Variants in TMOD3 observed in about 807,000 individuals in gnomAD.
The protein encoded by TMOD3 is tropomodulin 3.
A neutral mutation model predicts 39.2 loss-of-function variants in TMOD3; 20 were observed. The ratio of observed to expected loss-of-function variants is 0.51; its 90% CI spans 0.36 to 0.74. The LOEUF (loss-of-function observed/expected upper bound fraction) is 0.74. Among genes scored for constraint, TMOD3 ranks in the 30% least tolerant of loss-of-function variants. The pLI is 0.00. For synonymous variants in TMOD3, 143 were observed against 145.8 expected (o/e 0.98, Z 0.14); for missense variants, 381 against 412.8 (o/e 0.92, Z 0.67).
At chr15:51,863,298 A>G (rs2056428608) in intron 2 of TMOD3, among the ~76,000 whole-genome samples, 1 of 152,224 alleles carries the variant, frequency 6.6e-6, no homozygotes, top group Non-Finnish European at 1.5e-5. Context: ...GGATATTTTT[A>G]GTACAATGCA....
At chr15:51,880,553 A>C (rs555969950) in intron 3 of TMOD3, among the ~76,000 whole-genome samples, 1 of 152,150 alleles carries the variant, frequency 6.6e-6, no homozygotes, top group Non-Finnish European at 1.5e-5. Flanking sequence ...GGATTTGCCT[A>C]GTCTGGATAT....
chr15:51,858,934 G>C (rs563451772), intron 1 of TMOD3, among the ~76,000 whole-genome samples: 2 of 152,306 alleles, frequency 1.3e-5, no homozygotes, highest in African/African-American at 4.8e-5. Context: ...CTACTCGGGA[G>C]TCTGAGGCAG....
At chr15:51,859,255 T>C (rs537231778) in intron 1 of TMOD3, 2 of 742,202 alleles carry the variant, frequency 2.7e-6, no homozygotes, top group African/African-American at 3.5e-5. Flanking sequence ...TGCAACATTT[T>C]CATTGCTCGC....
At chr15:51,855,633 A>G (rs181693000) in intron 1 of TMOD3, among the ~76,000 whole-genome samples, 35 of 152,386 alleles carry the variant, frequency 2.3e-4, no homozygotes, top group Admixed American at 2.2e-3. Context: ...AATACATTTT[A>G]CATTAGCTTA....
intron 2 of TMOD3, among the ~76,000 whole-genome samples, chr15:51,865,529 A>G (rs534737617): frequency 6.6e-6 from 1 of 152,248 alleles, no homozygotes; most frequent in South Asian, 2.1e-4. Flanking sequence ...TTGTAAATCC[A>G]TGGCCTGCTT....
chr15:51,844,078 T>C (rs962218038), intron 1 of TMOD3, among the ~76,000 whole-genome samples: 2 of 152,132 alleles, frequency 1.3e-5, no homozygotes, highest in African/African-American at 4.8e-5. Context: ...AATGATTGAA[T>C]TGTCCTTTAA....
rs549416794 is a variant in TMOD3 at position 51,908,227 on chromosome 15, C to G, written c.1025-549C>G. On this transcript the variant is annotated intron_variant, in intron 9 of 9. Transcript: ENST00000308580. ...GCCTGAATGTCACTTCAAAATTTAA[C>G]ACACTAATTTATTAGCTGTTTTTTA... Among the ~76,000 whole-genome samples, 206 of 152,274 alleles carry G rather than the reference C, an allele frequency of 1.4e-3. 8 individuals carry two copies. The South Asian group carries it at 0.042, about 31-fold the overall frequency.
chr15:51,890,178 T>C (rs2056585162), intron 5 of TMOD3, among the ~76,000 whole-genome samples: 1 of 151,744 alleles, frequency 6.6e-6, no homozygotes, highest in Non-Finnish European at 1.5e-5. Context: ...AATTTTTTTT[T>C]TTTTTTTGGA....
chr15:51,864,805 G>A (rs904034368), intron 2 of TMOD3, among the ~76,000 whole-genome samples: 1 of 152,074 alleles, frequency 6.6e-6, no homozygotes, highest in Non-Finnish European at 1.5e-5. Flanking sequence ...ATACTGGCTT[G>A]GTAAGTGAGC....
intron 1 of TMOD3, among the ~76,000 whole-genome samples, chr15:51,832,633 G>C (rs2056262324): frequency 1.3e-5 from 2 of 151,420 alleles, no homozygotes; most frequent in African/African-American, 2.4e-5. Flanking sequence ...AAAGTTCCAG[G>C]ACAGCCTGGG....
Position 51,901,885 on chromosome 15 carries a change from A to T in TMOD3, c.880-7A>T, listed in dbSNP as rs1303590887. 1.2e-6 allele frequency: 2 copies of T among 1,606,260 alleles called. No individual in the cohort carries two copies. The highest frequency in any genetic ancestry group is 1.7e-6 in the Non-Finnish European group (2 of 1,178,126). On this transcript the variant is annotated splice_region_variant and splice_polypyrimidine_tract_variant and intron_variant, in intron 8 of 9. Transcript: ENST00000308580. ...TTAATATTGTTCTTTTTTTCTAATTACTCCAGAGGCAGCAGTTGGGGACAG... is the reference window on the plus strand; with the variant it reads ...TTAATATTGTTCTTTTTTTCTAATTTCTCCAGAGGCAGCAGTTGGGGACAG...
chr15:51,870,830 G>C (rs2056471193), intron 3 of TMOD3, among the ~76,000 whole-genome samples: 1 of 152,144 alleles, frequency 6.6e-6, no homozygotes, highest in Non-Finnish European at 1.5e-5. Flanking sequence ...TTTTAAGGAG[G>C]CTTTTTAAAT....
chr15:51,894,578 C>G (rs1434481763), intron 6 of TMOD3, among the ~76,000 whole-genome samples: 2 of 152,200 alleles, frequency 1.3e-5, no homozygotes, highest in Non-Finnish European at 2.9e-5. Flanking sequence ...TAGTCATTCT[C>G]TGACCCCCAG....
intron 3 of TMOD3, chr15:51,875,111 A>T (rs565631610): frequency 1.3e-5 from 2 of 152,284 alleles, no homozygotes; most frequent in Admixed American, 6.5e-5. Flanking sequence ...TTAGCTTTCC[A>T]GAAAACCTCC....
Position 51,889,052 on chromosome 15 carries a change from A to T in TMOD3, c.407-4A>T. On this transcript the variant is annotated splice_polypyrimidine_tract_variant and splice_region_variant and intron_variant, in intron 4 of 9. Transcript: ENST00000308580. ...ATAAAAACTTTCTTTTTCTGTATTTATAGCAATTCTTGGGATGCACAATTT... is the reference window on the plus strand; with the variant it reads ...ATAAAAACTTTCTTTTTCTGTATTTTTAGCAATTCTTGGGATGCACAATTT... The T allele has an allele frequency of 6.4e-7, 1 of 1,560,574 alleles. No homozygotes were observed. Among genetic ancestry groups the T allele is most frequent in the Admixed American group, 2.1e-5 (1 of 48,138 alleles).
intron 3 of TMOD3, among the ~76,000 whole-genome samples, chr15:51,885,756 G>A (rs2959304): frequency 0.36 from 54,648 of 152,024 alleles, 10,315 homozygotes; most frequent in Admixed American, 0.43. Flanking sequence ...TTTTGTATTC[G>A]ACAAAACCGC....
chr15:51,860,626 C>T (rs191021525), intron 1 of TMOD3: 12 of 541,588 alleles, frequency 2.2e-5, no homozygotes, highest in African/African-American at 2.1e-4. Context: ...GTTTTAGTAG[C>T]CCATTTCTTA....
intron 1 of TMOD3, among the ~76,000 whole-genome samples, chr15:51,850,701 G>C (rs532434747): frequency 1.3e-5 from 2 of 152,206 alleles, no homozygotes; most frequent in African/African-American, 4.8e-5. Flanking sequence ...TGCCACCCTG[G>C]TGCTGGTGAG....
intron 1 of TMOD3, chr15:51,859,073 A>G: frequency 2.1e-6 from 1 of 478,786 alleles, no homozygotes; most frequent in Non-Finnish European, 3.8e-6. Flanking sequence ...TTGAAATCAG[A>G]CAGCCATCTT....
Sources: allele counts gnomAD v4.1 joint callset (sites outside exome capture counted in the v4.1 genomes callset), GRCh38; gene constraint gnomAD v4.1.1; transcripts MANE v1.5; gene names NCBI Gene and HGNC (gene_info 2026-07-23, HGNC 2026-07-21).